Variants in TEAD1 observed in about 807,000 individuals in gnomAD.
TEAD1 encodes TEA domain transcription factor 1, also known as transcriptional enhancer factor TEF-1.
TEAD1 carries 9 observed loss-of-function variants against 54.9 expected under a neutral mutation model. The ratio of observed to expected loss-of-function variants is 0.16; its 90% confidence interval spans 0.10 to 0.29. The LOEUF (loss-of-function observed/expected upper bound fraction) is 0.29, where lower values mean the gene tolerates loss of function less well. TEAD1 is among the 10% of genes least tolerant of loss of function. The probability of loss-of-function intolerance (pLI) is 1.00; values close to 1 mark genes in which losing one functional copy is unlikely to be tolerated. For synonymous variants in TEAD1, 200 were observed against 187.8 expected (o/e 1.07, Z -0.53); for missense variants, 387 against 535.9 (o/e 0.72, Z 2.74).
At chr11:12,781,951 C>CAAAAAAAAAAAAAAAAAA (rs71454001) in intron 3 of TEAD1, among the ~76,000 whole-genome samples, 9 of 65,124 alleles carry the variant, frequency 1.4e-4, no homozygotes, top group African/African-American at 3.2e-4. Flanking sequence ...CTCGTCTGTA[C>CAAAAAAAAAAAAAAAAAA]AAAAAAAAAA....
intron 2 of TEAD1, among the ~76,000 whole-genome samples, chr11:12,690,900 A>G (rs1943443674): frequency 1.3e-5 from 2 of 152,124 alleles, no homozygotes; most frequent in African/African-American, 4.8e-5. Context: ...TGGGACTGTC[A>G]GTGCGCCACC....
intron 3 of TEAD1, among the ~76,000 whole-genome samples, chr11:12,801,381 T>C (rs1276570073): frequency 1.3e-5 from 2 of 152,166 alleles, no homozygotes; most frequent in South Asian, 2.1e-4. Flanking sequence ...GCTGCAGATG[T>C]AGAAACTAGA....
chr11:12,864,646 TG>T, intron 4 of TEAD1, 191 bp from the exon 5 acceptor site: 1 of 1,385,592 alleles, frequency 7.2e-7, no homozygotes, highest in Non-Finnish European at 9.5e-7. Context: ...TGTTTTGTTT[TG>T]TTTTGTTTTG....
chr11:12,688,595 GGTGTATTCA>G (rs1943384568), intron 2 of TEAD1, among the ~76,000 whole-genome samples: 1 of 152,174 alleles, frequency 6.6e-6, no homozygotes, highest in East Asian at 1.9e-4. Context: ...ACTAGTGCTT[GGTGTATTCA>G]GTAAGGTAGC....
chr11:12,712,362 C>T (rs112013318), intron 2 of TEAD1, among the ~76,000 whole-genome samples: 2 of 152,132 alleles, frequency 1.3e-5, no homozygotes, highest in Non-Finnish European at 2.9e-5. Context: ...GTGAGAACCA[C>T]TGACATTTTA....
chr11:12,806,682 C>A (rs534340970), intron 3 of TEAD1, among the ~76,000 whole-genome samples: 1 of 152,174 alleles, frequency 6.6e-6, no homozygotes, highest in Non-Finnish European at 1.5e-5. Flanking sequence ...AGCTTGAAAC[C>A]GAGTAGTTTC....
At position 12,819,750 on chromosome 11, in the gene TEAD1, C is replaced by T. The variant is rs531413161; in HGVS notation, c.203-42500C>T. Among the ~76,000 whole-genome samples the T allele has an allele frequency of 4.6e-5, 7 of 152,260 alleles. No individual in the cohort carries two copies. The East Asian group carries it at 7.7e-4, about 17-fold the overall frequency. ...ACAGGCGTGAACCACCAAGCCCGGC[C>T]GGTAACAAAGTCTTAAAAGCGGTCT... On this transcript the variant is annotated intron_variant, in intron 3 of 12. Coordinates refer to ENST00000527636, the MANE Select transcript of TEAD1 (RefSeq NM_021961.6).
At chr11:12,723,233 A>T (rs1944248740) in intron 2 of TEAD1, among the ~76,000 whole-genome samples, 1 of 152,200 alleles carries the variant, frequency 6.6e-6, no homozygotes, top group South Asian at 2.1e-4. Context: ...AATTTTTACA[A>T]AAGTTTGGCT....
chr11:12,675,782 G>T (rs964121074), intron 2 of TEAD1, among the ~76,000 whole-genome samples: 1 of 152,060 alleles, frequency 6.6e-6, no homozygotes, highest in Non-Finnish European at 1.5e-5. Context: ...TTAATGAGTC[G>T]AAAACAATGA....
At chr11:12,674,944 G>A (rs1943043024) in intron 1 of TEAD1, 110 bp downstream of exon 1, 1 of 147,188 alleles carries the variant, frequency 6.8e-6, no homozygotes, top group Non-Finnish European at 1.5e-5. Flanking sequence ...TCTGCTTTGT[G>A]TGCGACGGCG....
At chr11:12,861,429 C>T (rs1187802099) in intron 3 of TEAD1, among the ~76,000 whole-genome samples, 3 of 152,102 alleles carry the variant, frequency 2.0e-5, no homozygotes, top group Admixed American at 1.3e-4. Flanking sequence ...TGTCTGCCTT[C>T]GTACTGTTAG....
intron 2 of TEAD1, among the ~76,000 whole-genome samples, chr11:12,756,942 CT>C (rs1187665838): frequency 1.3e-5 from 2 of 152,112 alleles, no homozygotes; most frequent in East Asian, 1.9e-4. Flanking sequence ...AGTAAAGCAC[CT>C]TTTTTCCCCC....
chr11:12,893,332 C>G (rs900960741), intron 9 of TEAD1, among the ~76,000 whole-genome samples: 1 of 152,162 alleles, frequency 6.6e-6, no homozygotes, highest in African/African-American at 2.4e-5. Flanking sequence ...TGGAGCACCC[C>G]CATGCCCCTC....
chr11:12,764,750 G>T (rs1177427505), intron 3 of TEAD1, among the ~76,000 whole-genome samples: 7 of 151,448 alleles, frequency 4.6e-5, no homozygotes, highest in Non-Finnish European at 1.0e-4. Context: ...TGGGGAGGAG[G>T]TCTTCTGAAC....
chr11:12,760,412 A>T (rs1312731474), intron 2 of TEAD1, among the ~76,000 whole-genome samples: 1 of 152,184 alleles, frequency 6.6e-6, no homozygotes, highest in African/African-American at 2.4e-5. Context: ...TTTGAGTTCC[A>T]TGGCTTAAGG....
At chr11:12,856,434 G>T (rs1947381877) in intron 3 of TEAD1, among the ~76,000 whole-genome samples, 2 of 152,186 alleles carry the variant, frequency 1.3e-5, no homozygotes, top group South Asian at 4.1e-4. Flanking sequence ...CCACCAGCTG[G>T]TAGGTTCATG....
intron 3 of TEAD1, among the ~76,000 whole-genome samples, chr11:12,839,698 G>C (rs568665443): frequency 1.3e-5 from 2 of 152,272 alleles, no homozygotes; most frequent in South Asian, 2.1e-4. Flanking sequence ...TAAGGAGCAC[G>C]ACCAGGGAAT....
chr11:12,759,568 T>G (rs185476698), intron 2 of TEAD1, among the ~76,000 whole-genome samples: 1 of 152,260 alleles, frequency 6.6e-6, no homozygotes, highest in East Asian at 1.9e-4. Context: ...TACATATTTT[T>G]AAAAGTATTT....
intron 3 of TEAD1, among the ~76,000 whole-genome samples, chr11:12,816,038 G>A (rs1946407650): frequency 6.6e-6 from 1 of 152,222 alleles, no homozygotes; most frequent in Non-Finnish European, 1.5e-5. Context: ...TAGGAACCTA[G>A]ACAGGGCCTC....
Sources: gnomAD v4.1 joint callset for allele counts (sites outside exome capture counted in the v4.1 genomes callset) on GRCh38, gnomAD v4.1.1 for gene constraint, MANE v1.5 for transcripts, NCBI Gene and HGNC (gene_info 2026-07-23, HGNC 2026-07-21) for gene names.